MADD: variants seen among roughly 807,000 people sequenced by gnomAD.
MADD encodes MAP kinase-activating death domain protein.
MADD carries 109 observed loss-of-function variants against 176.7 expected under a neutral mutation model. The observed-to-expected ratio is 0.62, with a 90% CI of 0.53 to 0.72. The LOEUF is 0.72. MADD is among the 30% of genes least tolerant of loss of function. The probability of loss-of-function intolerance (pLI) is 0.00; values close to 1 mark genes in which losing one functional copy is unlikely to be tolerated. For synonymous variants in MADD, 771 were observed against 771.3 expected, an observed-to-expected ratio of 1.00 and a Z score of 0.01; for missense variants, 1,914 against 2,045.5, an observed-to-expected ratio of 0.94 and a Z score of 1.24.
Position 47,323,682 on chromosome 11 carries a change from CTG to C in MADD, c.4214_4215del (p.Val1405GlyfsTer4). The C allele has an allele frequency of 6.2e-7, 1 of 1,613,398 alleles. No individual in the cohort carries two copies. Among genetic ancestry groups the C allele is most frequent in the Non-Finnish European group, 8.5e-7 (1 of 1,179,826 alleles). On this transcript the variant is annotated frameshift_variant, in exon 28 of 33. Transcript: ENST00000402192. LOFTEE classifies it high-confidence loss of function. ...GTGCACTTCTCCAGGTGTGCGATGA[CTG>C]TGTGGTGTTGCGTAGTAACATCGGA...
intron 15 of MADD, 65 bp from the exon 17 acceptor site, chr11:47,289,326 C>A: frequency 7.6e-7 from 1 of 1,320,428 alleles, no homozygotes; most frequent in Non-Finnish European, 1.1e-6. Flanking sequence ...CTACTTAGGG[C>A]TGTGCTGGCA....
chr11:47,323,691 G>A, exon 28 of MADD: 3 of 1,613,680 alleles, frequency 1.9e-6, no homozygotes, highest in Non-Finnish European at 8.5e-7. Context: ...ACTGTGTGGT[G>A]TTGCGTAGTA....
intron 27 of MADD, among the ~76,000 whole-genome samples, chr11:47,323,251 A>T (rs1384217350): frequency 1.3e-5 from 2 of 151,756 alleles, no homozygotes; most frequent in Non-Finnish European, 2.9e-5. Context: ...AAAAAAAAAA[A>T]AAAATTATAG....
chr11:47,308,452 C>G, intron 22 of MADD, 139 bp from the exon 25 acceptor site: 1 of 585,982 alleles, frequency 1.7e-6, no homozygotes, highest in Non-Finnish European at 3.1e-6. Context: ...CGTAAGTGGA[C>G]TTGCAGAAGC....
exon 12 of MADD, chr11:47,284,466 C>A: frequency 1.2e-6 from 2 of 1,614,098 alleles, no homozygotes; most frequent in Non-Finnish European, 1.7e-6. Flanking sequence ...AAGAGCCTGG[C>A]CCAGACAGTG....
chr11:47,318,011 C>G (rs191336928), intron 27 of MADD, among the ~76,000 whole-genome samples: 384 of 152,206 alleles, frequency 2.5e-3, no homozygotes, highest in South Asian at 6.2e-3. Flanking sequence ...CTCAAGTGAT[C>G]CACCCACCTC....
chr11:47,269,930 G>C (rs1242221131), upstream of MADD: 1 of 152,172 alleles, frequency 6.6e-6, no homozygotes, highest in African/African-American at 2.4e-5. Flanking sequence ...TCCCCCACTT[G>C]GCACGCGACG....
At chr11:47,304,488 C>G (rs893605676) in intron 22 of MADD, among the ~76,000 whole-genome samples, 1 of 152,170 alleles carries the variant, frequency 6.6e-6, no homozygotes, top group Non-Finnish European at 1.5e-5. Flanking sequence ...ACCTCACCTC[C>G]CAAAGTGTTG....
chr11:47,308,740 C>G (rs374704609), intron 23 of MADD, 41 bp downstream of exon 25: 115 of 1,526,524 alleles, frequency 7.5e-5, no homozygotes, highest in Non-Finnish European at 9.7e-5. Flanking sequence ...CTGGAGAAAG[C>G]TGACTCAGCC....
intron 22 of MADD, among the ~76,000 whole-genome samples, chr11:47,300,576 C>T (rs1347623477): frequency 6.6e-6 from 1 of 151,936 alleles, no homozygotes; most frequent in African/African-American, 2.4e-5. Context: ...TGGCTCACTG[C>T]AACCTCTGCC....
At chr11:47,282,846 C>A (rs1157229397) in exon 10 of MADD, 1 of 1,614,120 alleles carries the variant, frequency 6.2e-7, no homozygotes. Flanking sequence ...GGTGACAAGC[C>A]AAAGTGGTAT....
intron 31 of MADD, chr11:47,328,068 A>G: frequency 8.1e-6 from 8 of 993,754 alleles, no homozygotes; most frequent in Non-Finnish European, 9.6e-6. Context: ...TCCCTCACAC[A>G]GGCAGGTCTG....
intron 19 of MADD, among the ~76,000 whole-genome samples, chr11:47,292,138 C>T (rs995010204): frequency 6.6e-6 from 1 of 152,158 alleles, no homozygotes; most frequent in African/African-American, 2.4e-5. Context: ...GAAAAATTGC[C>T]CTTCCCCAGC....
exon 33 of MADD, chr11:47,329,304 T>C: frequency 1.6e-6 from 1 of 643,514 alleles, no homozygotes; most frequent in South Asian, 1.7e-5. Context: ...CGGTTATGTG[T>C]CCCTCTGAGT....
At chr11:47,328,434 A>G in intron 31 of MADD, 2 of 1,432,690 alleles carry the variant, frequency 1.4e-6, no homozygotes, top group Admixed American at 2.9e-5. Context: ...TGCGGATGAC[A>G]GAGGCCTAGC....
chr11:47,275,121 T>C, exon 3 of MADD: 1 of 1,614,094 alleles, frequency 6.2e-7, no homozygotes, highest in Non-Finnish European at 8.5e-7. Flanking sequence ...GTGAGCGCCT[T>C]CTGGGCAAGA....
intron 22 of MADD, among the ~76,000 whole-genome samples, chr11:47,297,435 GTTTTCTTTTC>G: frequency 6.6e-6 from 1 of 151,080 alleles, no homozygotes; most frequent in South Asian, 2.1e-4. Context: ...TTTATTAGGG[GTTTTCTTTTC>G]TTTTCTTTTT....
At chr11:47,321,442 G>A (rs938448922) in intron 27 of MADD, among the ~76,000 whole-genome samples, 14 of 152,222 alleles carry the variant, frequency 9.2e-5, no homozygotes, top group African/African-American at 3.4e-4. Context: ...TGTGGAGCAC[G>A]TATTATATGC....
At chr11:47,279,854 C>T (rs61896047) in intron 7 of MADD, among the ~76,000 whole-genome samples, 11,417 of 151,872 alleles carry the variant, frequency 0.075, 513 homozygotes, top group South Asian at 0.11. Context: ...AGGTGAATCA[C>T]GAGGTCAGGA....
Sources: allele counts gnomAD v4.1 joint callset (sites outside exome capture counted in the v4.1 genomes callset), GRCh38; gene constraint gnomAD v4.1.1; transcripts MANE v1.5; gene names NCBI Gene and HGNC (gene_info 2026-07-23, HGNC 2026-07-21).